The following PCDH15 variants were observed in gnomAD, a reference collection of about 807,000 sequenced individuals.
The protein encoded by PCDH15 is protocadherin-15.
A neutral mutation model predicts 178.5 loss-of-function variants in PCDH15; 129 were observed. The ratio of observed to expected loss-of-function variants is 0.72; its 90% CI spans 0.63 to 0.84. The LOEUF is 0.84. Among genes scored for constraint, PCDH15 ranks in the 40% least tolerant of loss-of-function variants. The pLI, the probability that PCDH15 is intolerant of heterozygous loss-of-function variation, is 0.00. For synonymous variants in PCDH15, 800 were observed against 732.0 expected (o/e 1.09, Z -1.50); for missense variants, 2,230 against 2,099.9 (o/e 1.06, Z -1.21).
chr10:54,146,792 C>G (rs1362934382), intron 14 of PCDH15, among the ~76,000 whole-genome samples: 4 of 150,006 alleles, frequency 2.7e-5, no homozygotes, highest in African/African-American at 7.3e-5. Context: ...AATTCTGAAG[C>G]CTGCTGTCAT....
chr10:55,366,899 T>A (rs1361400271), intron 2 of PCDH15, among the ~76,000 whole-genome samples: 1 of 145,172 alleles, frequency 6.9e-6, no homozygotes, highest in African/African-American at 2.6e-5. Flanking sequence ...GGTGTTTGCA[T>A]GTGTGTGTGT....
intron 1 of PCDH15, among the ~76,000 whole-genome samples, chr10:55,203,278 A>T (rs1440833792): frequency 1.3e-5 from 2 of 152,068 alleles, no homozygotes; most frequent in African/African-American, 2.4e-5. Flanking sequence ...TCTCAGCCTT[A>T]AGGATAGTAG....
At chr10:55,336,529 A>C (rs1844401609) in intron 2 of PCDH15, among the ~76,000 whole-genome samples, 1 of 152,026 alleles carries the variant, frequency 6.6e-6, no homozygotes, top group Non-Finnish European at 1.5e-5. Flanking sequence ...AATAAAAATA[A>C]TTATCTGATC....
At chr10:54,779,412 A>ATATATACACACATATATGTGTG (rs1950044878) in intron 1 of PCDH15, among the ~76,000 whole-genome samples, 1 of 119,652 alleles carries the variant, frequency 8.4e-6, no homozygotes, top group African/African-American at 3.1e-5. Flanking sequence ...ATATGTATAT[A>ATATATACACACATATATGTGTG]TATATATATA....
intron 28 of PCDH15, among the ~76,000 whole-genome samples, chr10:53,843,065 T>C (rs1165511624): frequency 2.6e-5 from 4 of 152,216 alleles, no homozygotes; most frequent in Admixed American, 6.5e-5. Context: ...AAAATATAAC[T>C]GTACCAATTC....
At chr10:55,004,407 C>T (rs1249544298) in intron 2 of PCDH15, among the ~76,000 whole-genome samples, 2 of 152,064 alleles carry the variant, frequency 1.3e-5, no homozygotes, top group Admixed American at 1.3e-4. Context: ...GAAATTTACC[C>T]TCTATGTCTC....
chr10:54,620,121 G>C (rs2093310442), intron 2 of PCDH15, among the ~76,000 whole-genome samples: 1 of 152,048 alleles, frequency 6.6e-6, no homozygotes, highest in Admixed American at 6.6e-5. Context: ...CGTTGCAGCA[G>C]AGATGACGCG....
chr10:54,355,119 G>GAAAAAAAAA (rs1944767443), intron 5 of PCDH15, among the ~76,000 whole-genome samples: 1 of 26,666 alleles, frequency 3.8e-5, no homozygotes, highest in Admixed American at 6.1e-4. Context: ...CAGGAGGATT[G>GAAAAAAAAA]CAAAAAAAAA....
At chr10:54,808,641 T>C (rs1952814840) in intron 3 of PCDH15, among the ~76,000 whole-genome samples, 1 of 152,196 alleles carries the variant, frequency 6.6e-6, no homozygotes, top group African/African-American at 2.4e-5. Flanking sequence ...CCAAAATGTA[T>C]AAAATTTTCT....
At chr10:55,599,506 A>G (rs1843020770) in intron 2 of PCDH15, 1 of 152,800 alleles carries the variant, frequency 6.5e-6, no homozygotes, top group South Asian at 2.1e-4. Context: ...TTCATTTCTA[A>G]TCACCCTGTT....
intron 2 of PCDH15, among the ~76,000 whole-genome samples, chr10:54,943,232 C>A (rs1591797710): frequency 6.6e-6 from 1 of 151,922 alleles, no homozygotes; most frequent in Non-Finnish European, 1.5e-5. Flanking sequence ...TCCAACTTTG[C>A]AAGCCACTCA....
chr10:54,359,493 G>A (rs2795938), intron 5 of PCDH15, among the ~76,000 whole-genome samples: 17,690 of 151,786 alleles, frequency 0.12, 1,825 homozygotes, highest in African/African-American at 0.28. Context: ...AAATATAGTT[G>A]TAAATAGACC....
intron 2 of PCDH15, among the ~76,000 whole-genome samples, chr10:55,624,093 G>A (rs1429858279): frequency 6.6e-6 from 1 of 151,998 alleles, no homozygotes; most frequent in Non-Finnish European, 1.5e-5. Context: ...CCCTTGAACT[G>A]TGGCAGAAAT....
chr10:55,032,970 C>T (rs754531096), intron 2 of PCDH15, among the ~76,000 whole-genome samples: 1 of 152,024 alleles, frequency 6.6e-6, no homozygotes, highest in Admixed American at 6.6e-5. Context: ...GTAGGTGGCC[C>T]AGTTGTGCCT....
chr10:55,401,444 G>GT (rs544326507), intron 2 of PCDH15, among the ~76,000 whole-genome samples: 307 of 152,172 alleles, frequency 2.0e-3, no homozygotes, highest in African/African-American at 7.0e-3. Context: ...AATATATAGT[G>GT]TTGTGATCCT....
rs538481016 is a variant in PCDH15 at position 54,365,141 on chromosome 10, C to A, written c.474+3979G>T. On this transcript the variant is annotated intron_variant, in intron 5 of 37. Transcript: ENST00000644397. ...ATAATCTCCCTATTAACTTCCATAACCTTAATCGCATCTGCAAAGCTATTT... is the reference window on the plus strand; with the variant it reads ...ATAATCTCCCTATTAACTTCCATAAACTTAATCGCATCTGCAAAGCTATTT... Among the ~76,000 whole-genome samples, 5 of 152,192 alleles carry A rather than the reference C, an allele frequency of 3.3e-5. No individual in the cohort carries two copies. In the South Asian group the frequency reaches 8.3e-4, roughly 25 times the overall value.
At chr10:54,546,837 A>T (rs1400531598) in intron 2 of PCDH15, among the ~76,000 whole-genome samples, 1 of 152,308 alleles carries the variant, frequency 6.6e-6, no homozygotes, top group South Asian at 2.1e-4. Context: ...TCAACACCGC[A>T]TGATTCTCCT....
At chr10:55,374,840 T>A (rs956892172) in intron 2 of PCDH15, among the ~76,000 whole-genome samples, 5 of 152,138 alleles carry the variant, frequency 3.3e-5, no homozygotes, top group Non-Finnish European at 7.4e-5. Context: ...TCCATAAATA[T>A]GATTTGAATA....
At chr10:54,401,138 G>C (rs934573511) in intron 3 of PCDH15, among the ~76,000 whole-genome samples, 3 of 151,908 alleles carry the variant, frequency 2.0e-5, no homozygotes, top group Admixed American at 6.6e-5. Context: ...ATAGTGCCTG[G>C]CTCTTGTAGA....
Sources: allele counts gnomAD v4.1 joint callset (sites outside exome capture counted in the v4.1 genomes callset), GRCh38; gene constraint gnomAD v4.1.1; transcripts MANE v1.5; gene names NCBI Gene and HGNC (gene_info 2026-07-23, HGNC 2026-07-21).